MAP3K7CL: variants seen among roughly 807,000 people sequenced by gnomAD.
MAP3K7CL encodes MAP3K7 C-terminal like.
In MAP3K7CL, 16 loss-of-function variants were observed where a neutral mutation model predicts 18.6. The observed-to-expected ratio is 0.86, with a 90% CI of 0.58 to 1.31. The LOEUF is 1.31. Among genes scored for constraint, MAP3K7CL ranks in the 50% most tolerant of loss-of-function variants. The pLI is 0.00. For missense variants in MAP3K7CL, 163 were observed against 174.4 expected, an observed-to-expected ratio of 0.93 and a Z score of 0.37; for synonymous variants, 65 against 66.8, an observed-to-expected ratio of 0.97 and a Z score of 0.13.
At chr21:29,161,976 G>T (rs1056022760) in intron 4 of MAP3K7CL, among the ~76,000 whole-genome samples, 8 of 152,092 alleles carry the variant, frequency 5.3e-5, no homozygotes, top group African/African-American at 1.7e-4. Flanking sequence ...TTATTAGGAG[G>T]TCACAAATAC....
At chr21:29,113,878 C>G (rs920902897) in intron 4 of MAP3K7CL, among the ~76,000 whole-genome samples, 5 of 151,970 alleles carry the variant, frequency 3.3e-5, no homozygotes, top group African/African-American at 1.2e-4. Flanking sequence ...CAGTGTTGCT[C>G]ATATGGTTCT....
At chr21:29,083,942 A>T (rs12627557), upstream of MAP3K7CL, among the ~76,000 whole-genome samples, 605 of 147,394 alleles carry the variant, frequency 4.1e-3, 10 homozygotes, top group East Asian at 0.07. Flanking sequence ...TGAAATAATC[A>T]TTTAATATTA....
intron 4 of MAP3K7CL, among the ~76,000 whole-genome samples, chr21:29,173,891 G>A (rs1308015816): frequency 1.3e-5 from 2 of 152,074 alleles, no homozygotes; most frequent in Non-Finnish European, 2.9e-5. Flanking sequence ...TTGTAGAGAT[G>A]TTGTCTCGCT....
chr21:29,118,111 A>T (rs925797510), intron 4 of MAP3K7CL, among the ~76,000 whole-genome samples: 2 of 137,024 alleles, frequency 1.5e-5, no homozygotes, highest in Non-Finnish European at 3.1e-5. Context: ...TTTGAGACGG[A>T]CTCTTGCACT....
intron 4 of MAP3K7CL, among the ~76,000 whole-genome samples, chr21:29,162,059 G>C (rs1451950699): frequency 6.6e-6 from 1 of 152,154 alleles, no homozygotes; most frequent in Non-Finnish European, 1.5e-5. Context: ...GGAATACTCA[G>C]ATTGCATGAT....
intron 1 of MAP3K7CL, among the ~76,000 whole-genome samples, chr21:29,132,146 A>G: frequency 6.6e-6 from 1 of 152,224 alleles, no homozygotes; most frequent in East Asian, 1.9e-4. Context: ...TAAGAAAGAT[A>G]TCATGTATTT....
At chr21:29,099,460 A>G (rs759435785) in intron 4 of MAP3K7CL, among the ~76,000 whole-genome samples, 4 of 152,000 alleles carry the variant, frequency 2.6e-5, no homozygotes, top group Non-Finnish European at 5.9e-5. Context: ...AACAGCTCAC[A>G]CACAAAAAGC....
At chr21:29,139,782 C>T (rs971727645) in intron 2 of MAP3K7CL, among the ~76,000 whole-genome samples, 1 of 151,970 alleles carries the variant, frequency 6.6e-6, no homozygotes, top group East Asian at 1.9e-4. Flanking sequence ...ATGGGGTTTC[C>T]CCATGTTGAC....
chr21:29,141,538 A>T (rs982082720), intron 2 of MAP3K7CL, among the ~76,000 whole-genome samples: 1 of 151,838 alleles, frequency 6.6e-6, no homozygotes, highest in Non-Finnish European at 1.5e-5. Flanking sequence ...AAAAAGAGAG[A>T]AATTGTCCTT....
At chr21:29,120,224 C>A (rs1327449078) in intron 4 of MAP3K7CL, among the ~76,000 whole-genome samples, 1 of 149,340 alleles carries the variant, frequency 6.7e-6, no homozygotes, top group Non-Finnish European at 1.5e-5. Flanking sequence ...CTATTGGTAT[C>A]TTTGTGTCTT....
At chr21:29,086,678 T>TG (rs1179239608) in intron 1 of MAP3K7CL, among the ~76,000 whole-genome samples, 2 of 152,188 alleles carry the variant, frequency 1.3e-5, no homozygotes, top group African/African-American at 4.8e-5. Context: ...TGCCCCACAG[T>TG]AACGAGAATC....
At chr21:29,119,122 A>T (rs750625208) in intron 4 of MAP3K7CL, among the ~76,000 whole-genome samples, 2 of 152,152 alleles carry the variant, frequency 1.3e-5, no homozygotes, top group Non-Finnish European at 2.9e-5. Context: ...CCCACACACA[A>T]ATACCCTTTC....
chr21:29,151,448 T>C (rs2087273824), intron 3 of MAP3K7CL, among the ~76,000 whole-genome samples: 1 of 152,030 alleles, frequency 6.6e-6, no homozygotes, highest in African/African-American at 2.4e-5. Context: ...CACTCCAGCC[T>C]GGGCAACAGA....
intron 3 of MAP3K7CL, among the ~76,000 whole-genome samples, chr21:29,154,822 T>C (rs2087361227): frequency 6.6e-6 from 1 of 152,252 alleles, no homozygotes; most frequent in African/African-American, 2.4e-5. Flanking sequence ...AATTTTTCTT[T>C]GATTGCTGTG....
intron 4 of MAP3K7CL, among the ~76,000 whole-genome samples, chr21:29,107,960 T>C (rs1681048887): frequency 6.6e-6 from 1 of 152,258 alleles, no homozygotes; most frequent in Non-Finnish European, 1.5e-5. Flanking sequence ...TTCAGAAATG[T>C]ATTTTGCCCA....
intron 4 of MAP3K7CL, among the ~76,000 whole-genome samples, chr21:29,171,054 T>G (rs2087815294): frequency 6.6e-6 from 1 of 152,122 alleles, no homozygotes; most frequent in Non-Finnish European, 1.5e-5. Flanking sequence ...TAAGCTATGC[T>G]TAGGGACACA....
chr21:29,109,506 T>C, intron 4 of MAP3K7CL: 2 of 1,093,730 alleles, frequency 1.8e-6, no homozygotes, highest in Non-Finnish European at 2.2e-6. Context: ...TTGGCAGAGA[T>C]ACAGGAATAG....
At chr21:29,142,526 T>A (rs1488163950) in intron 2 of MAP3K7CL, among the ~76,000 whole-genome samples, 1 of 152,182 alleles carries the variant, frequency 6.6e-6, no homozygotes, top group Non-Finnish European at 1.5e-5. Flanking sequence ...ATTCAGATGA[T>A]GAAGAATAAT....
intron 3 of MAP3K7CL, 117 bp from the exon 4 acceptor site, chr21:29,159,823 GT>G (rs1375057355): frequency 4.9e-6 from 3 of 618,184 alleles, no homozygotes; most frequent in East Asian, 5.9e-5. Context: ...CTGTTCTCAC[GT>G]TAAAAAAAAA....
Sources: allele counts gnomAD v4.1 joint callset (sites outside exome capture counted in the v4.1 genomes callset), GRCh38; gene constraint gnomAD v4.1.1; transcripts MANE v1.5; gene names NCBI Gene and HGNC (gene_info 2026-07-23, HGNC 2026-07-21).